The following NLRP5 variants were observed in gnomAD, a reference collection of about 807,000 sequenced individuals.
NLRP5 encodes NLR family pyrin domain containing 5.
A neutral mutation model predicts 113.1 loss-of-function variants in NLRP5; 93 were observed. The observed-to-expected ratio is 0.82, with a 90% CI of 0.70 to 0.98. The LOEUF (loss-of-function observed/expected upper bound fraction) is 0.98, where lower values mean the gene tolerates loss of function less well. Ranked by LOEUF, NLRP5 falls within the 50% of genes least tolerant of loss-of-function variation. The pLI is 0.00. For synonymous variants in NLRP5, 751 were observed against 600.7 expected, an observed-to-expected ratio of 1.25 and a Z score of -3.66; for missense variants, 1,808 against 1,514.3, an observed-to-expected ratio of 1.19 and a Z score of -3.22.
chr19:56,039,710 A>C (rs895869263), intron 10 of NLRP5, among the ~76,000 whole-genome samples: 2 of 152,052 alleles, frequency 1.3e-5, no homozygotes, highest in African/African-American at 4.8e-5. Context: ...TCGGCAGTTC[A>C]AGACCAGCCT....
Position 56,032,698 on chromosome 19 carries a change from G to C in NLRP5, c.2364G>C (p.Leu788=), listed in dbSNP as rs747198411. The change falls in exon 8 of 15, where the codon CTG becomes CTC. Residue 788 remains leucine (L), a synonymous_variant. Coordinates refer to ENST00000390649, the MANE Select transcript of NLRP5 (RefSeq NM_153447.4). ...ACCCACACCTGCGGCAGCTGGACCT[G>C]GGCAGCAGCATCCTGACAGAGCGGG... The C allele has an allele frequency of 6.2e-6, 10 of 1,613,580 alleles. No homozygotes were observed. In the Admixed American group the frequency reaches 1.3e-4, roughly 22 times the overall value.
Position 56,061,805 on chromosome 19 carries a change from G to T in NLRP5, c.*277G>T. 1 of 301,834 alleles carries T rather than the reference G, an allele frequency of 3.3e-6. No individual in the cohort carries two copies. The highest frequency in any genetic ancestry group is 6.1e-6 in the Non-Finnish European group (1 of 164,994). The allele number at this position is 301,834 out of a possible 1,614,324, so 18.7% of individuals were successfully genotyped here. A position where few individuals can be genotyped will look rare whatever the true frequency, so the allele number is the denominator to read the frequency against. Reference sequence around the variant, plus strand: ...GGAATTAAATAAACACAAAGCATTTGGAAAAGTTGTCAAGTGGTTTTCTTA... The same window carrying T: ...GGAATTAAATAAACACAAAGCATTTTGAAAAGTTGTCAAGTGGTTTTCTTA... On this transcript the variant is annotated 3_prime_UTR_variant, in exon 15 of 15. Transcript: ENST00000390649.
chr19:55,998,403 C>T (rs910265788), upstream of NLRP5, among the ~76,000 whole-genome samples: 1 of 151,952 alleles, frequency 6.6e-6, no homozygotes, highest in Non-Finnish European at 1.5e-5. Flanking sequence ...CCTGTAATCC[C>T]AGCACTTTGG....
Position 56,026,919 on chromosome 19 carries a change from G to A in NLRP5, c.686G>A (p.Gly229Glu). 6.4e-7 allele frequency: 1 copy of A among 1,550,600 alleles called. No individual in the cohort carries two copies. The change falls in exon 7 of 15, where the codon GGA becomes GAA. Residue 229 changes from glycine to glutamate, a missense_variant. By Grantham distance (98) the Gly-to-Glu change is moderately conservative (BLOSUM62 -2). Transcript: ENST00000390649. The stretch of plus-strand genomic sequence containing the variant: ...CTACCCTCTCTGACTCCAGGACATG[G>A]AGGTGACACATGGGACTACAAGAGT...
chr19:56,012,517 C>T (rs895310113), intron 3 of NLRP5, among the ~76,000 whole-genome samples: 12 of 142,016 alleles, frequency 8.4e-5, no homozygotes, highest in Admixed American at 6.6e-4. Context: ...GAATACAATT[C>T]GAAAATTTAT....
intron 10 of NLRP5, among the ~76,000 whole-genome samples, chr19:56,040,582 A>C (rs1452714558): frequency 6.6e-6 from 1 of 152,160 alleles, no homozygotes; most frequent in Non-Finnish European, 1.5e-5. Context: ...AATAAAAATA[A>C]ATAAGAAAAT....
At position 56,053,833 on chromosome 19, in the gene NLRP5, C is replaced by T. The variant is rs115151610; in HGVS notation, c.3299+25C>T. On this transcript the variant is annotated intron_variant, in intron 13 of 14. Coordinates refer to ENST00000390649, the MANE Select transcript of NLRP5 (RefSeq NM_153447.4). ...GGTAACTTCCTGGGGCGCCTCTTTG[C>T]GGGCCGGGCTGGGAGGAGGTGGGGG... 2.9e-3 allele frequency: 4,734 copies of T among 1,606,734 alleles called. 43 individuals carry two copies. In the African/African-American group the frequency reaches 0.03, roughly 10 times the overall value.
At chr19:55,990,626 A>G in the NLRP5 span, among the ~76,000 whole-genome samples, 3 of 152,014 alleles carry the variant, frequency 2.0e-5, no homozygotes, top group Admixed American at 6.6e-5. Context: ...GGAGATCGAG[A>G]CCATCCTGGC....
At chr19:56,007,440 C>G (rs1052744706) in intron 2 of NLRP5, among the ~76,000 whole-genome samples, 1 of 150,086 alleles carries the variant, frequency 6.7e-6, no homozygotes, top group African/African-American at 2.5e-5. Flanking sequence ...AAGGAGTAAG[C>G]TTTAGGCTGA....
chr19:55,999,468 G>A (rs754163865), upstream of NLRP5, among the ~76,000 whole-genome samples: 6 of 151,884 alleles, frequency 4.0e-5, no homozygotes, highest in Non-Finnish European at 7.4e-5. Flanking sequence ...TGCCCGCCTC[G>A]GCAGTAGCGT....
At chr19:55,992,257 T>C in the NLRP5 span, among the ~76,000 whole-genome samples, 1 of 152,234 alleles carries the variant, frequency 6.6e-6, no homozygotes, top group Non-Finnish European at 1.5e-5. Context: ...ATTTTCTTTA[T>C]CCAGTCTGTC....
chr19:56,044,091 T>G (rs1599905484), intron 11 of NLRP5, among the ~76,000 whole-genome samples: 1 of 145,204 alleles, frequency 6.9e-6, no homozygotes, highest in Non-Finnish European at 1.5e-5. Context: ...GGAGACAGAG[T>G]CTTGCTCTGT....
At position 56,027,356 on chromosome 19, in the gene NLRP5, A is replaced by C; in HGVS notation, c.1123A>C (p.Thr375Pro). Residue 375 changes from threonine to proline, a missense_variant, in exon 7 of 15, where the codon ACA becomes CCA. Coordinates refer to ENST00000390649, the MANE Select transcript of NLRP5 (RefSeq NM_153447.4). ...CCTGGGCTCTGTCCTCAACAATGACACAAAGCTCTGCAAAGACTGGGCTGA... is the reference window on the plus strand; with the variant it reads ...CCTGGGCTCTGTCCTCAACAATGACCCAAAGCTCTGCAAAGACTGGGCTGA... 4 of 1,613,398 alleles carry C rather than the reference A, an allele frequency of 2.5e-6. No homozygotes were observed. The highest frequency in any genetic ancestry group is 3.4e-6 in the Non-Finnish European group (4 of 1,179,800).
chr19:56,018,895 G>C (rs1982506391), intron 4 of NLRP5: 1 of 161,654 alleles, frequency 6.2e-6, no homozygotes, highest in Non-Finnish European at 1.4e-5. Context: ...CAAAGTTCAA[G>C]TTACTCTCCT....
intron 14 of NLRP5, among the ~76,000 whole-genome samples, chr19:56,060,769 T>C (rs1984323892): frequency 6.6e-6 from 1 of 152,124 alleles, no homozygotes; most frequent in East Asian, 1.9e-4. Flanking sequence ...CATGCTACTG[T>C]TATCAAGCAA....
intron 14 of NLRP5, among the ~76,000 whole-genome samples, chr19:56,059,464 A>T (rs916433294): frequency 1.3e-5 from 2 of 152,148 alleles, no homozygotes; most frequent in South Asian, 4.1e-4. Flanking sequence ...AAGGGAGTAA[A>T]ATCTTGACCA....
At chr19:56,036,964 TA>T (rs1568495695) in intron 9 of NLRP5, among the ~76,000 whole-genome samples, 2 of 151,926 alleles carry the variant, frequency 1.3e-5, no homozygotes, top group Non-Finnish European at 2.9e-5. Context: ...CAAAAAATAA[TA>T]ATAATAAAAT....
intron 4 of NLRP5, among the ~76,000 whole-genome samples, chr19:56,017,053 C>T (rs1290413260): frequency 4.6e-5 from 7 of 152,222 alleles, no homozygotes; most frequent in African/African-American, 1.2e-4. Flanking sequence ...GTGATCCGCC[C>T]GCCTCGGCCT....
chr19:56,038,707 G>C (rs1193761463), intron 10 of NLRP5, among the ~76,000 whole-genome samples: 1 of 152,140 alleles, frequency 6.6e-6, no homozygotes, highest in African/African-American at 2.4e-5. Context: ...ATGGAGACGA[G>C]GGAGCCCAGA....
Sources: allele counts gnomAD v4.1 joint callset (sites outside exome capture counted in the v4.1 genomes callset), GRCh38; gene constraint gnomAD v4.1.1; transcripts MANE v1.5; gene names NCBI Gene and HGNC (gene_info 2026-07-23, HGNC 2026-07-21).